The following FGF13 variants were observed in gnomAD, a reference collection of about 807,000 sequenced individuals.
FGF13 encodes the protein fibroblast growth factor homologous factor 2.
In FGF13, 2 loss-of-function variants were observed where a neutral mutation model predicts 19.5. That is an observed-to-expected ratio of 0.10 (90% CI 0.04 to 0.32). The LOEUF (loss-of-function observed/expected upper bound fraction) is 0.32. Among genes scored for constraint, FGF13 ranks in the 10% least tolerant of loss-of-function variants. The pLI is 1.00. For missense variants in FGF13, 113 were observed against 192.7 expected (o/e 0.59, Z 2.45); for synonymous variants, 72 against 76.9 (o/e 0.94, Z 0.33).
downstream of FGF13, among the ~76,000 whole-genome samples, chrX:138,855,962 C>CTGTGTGTGTGTGTGTGTGTGTGTGTGTG (rs35763167): frequency 1.3e-4 from 13 of 101,314 alleles, no homozygotes; most frequent in African/African-American, 3.6e-4. Flanking sequence ...AGTACAAAAA[C>CTGTGTGTGTGTGTGTGTGTGTGTGTGTG]TGTGTGTGTG....
At chrX:139,204,441 G>C (rs1436243264), upstream of FGF13, among the ~76,000 whole-genome samples, 4 of 112,632 alleles carry the variant, frequency 3.6e-5, no homozygotes, top group Non-Finnish European at 7.5e-5. Flanking sequence ...CTCAGCTTCT[G>C]CCCGCCTGCG....
chrX:138,781,784 G>A (rs946288232), intron 3 of FGF13, among the ~76,000 whole-genome samples: 4 of 111,844 alleles, frequency 3.6e-5, no homozygotes, highest in Non-Finnish European at 5.6e-5. Flanking sequence ...TAGAAAAAGA[G>A]GGAATCCTCC....
intron 1 of FGF13, among the ~76,000 whole-genome samples, chrX:138,729,538 C>A (rs1043046380): frequency 9.2e-6 from 1 of 108,816 alleles, no homozygotes; most frequent in Non-Finnish European, 1.9e-5. Context: ...AATAGGAAAC[C>A]ATCTGGCACA....
chrX:138,680,371 C>T (rs1055332440), intron 3 of FGF13, among the ~76,000 whole-genome samples: 12 of 112,036 alleles, frequency 1.1e-4, no homozygotes, highest in African/African-American at 3.9e-4. Context: ...TCAGAAGAAT[C>T]ACTATCTATG....
chrX:139,192,430 T>C (rs908067689), intron 1 of FGF13, among the ~76,000 whole-genome samples: 3 of 112,152 alleles, frequency 2.7e-5, no homozygotes, highest in African/African-American at 9.7e-5. Flanking sequence ...ACAAGTCAGA[T>C]TACCATCTCT....
In FGF13 at chrX:139,126,117, T is replaced by C. The variant is rs893788050; in HGVS notation, c.-113+77299A>G. On this transcript the variant is annotated intron_variant, in intron 1 of 2. Coordinates refer to the FGF13 transcript ENST00000421460. ...ACAGTAAAGGTCATGTATTTATATA[T>C]TGTCTGTTGTGGTTTTTGCACTACA... 2.7e-5 allele frequency among the ~76,000 whole-genome samples: 3 copies of C among 112,138 alleles called. No homozygotes were observed. The Admixed American group carries it at 2.8e-4, about 11-fold the overall frequency.
chrX:138,680,336 T>C (rs1306953830), intron 3 of FGF13, among the ~76,000 whole-genome samples: 1 of 112,187 alleles, frequency 8.9e-6, no homozygotes, highest in Non-Finnish European at 1.9e-5. Context: ...CTTTTCAGGT[T>C]TTCAATTTGC....
chrX:139,183,748 G>A (rs972828391), intron 1 of FGF13, among the ~76,000 whole-genome samples: 1 of 111,827 alleles, frequency 8.9e-6, no homozygotes, highest in African/African-American at 3.3e-5. Flanking sequence ...CCAGTCTCAG[G>A]AATTCCTTTA....
At chrX:139,180,537 GA>G (rs774981945) in intron 1 of FGF13, among the ~76,000 whole-genome samples, 19 of 111,139 alleles carry the variant, frequency 1.7e-4, no homozygotes, top group Middle Eastern at 4.6e-3. Flanking sequence ...CTCTCTGTAT[GA>G]AAAAAAACCC....
intron 1 of FGF13, among the ~76,000 whole-genome samples, chrX:138,921,377 T>C (rs2124242940): frequency 8.9e-6 from 1 of 111,942 alleles, no homozygotes; most frequent in Admixed American, 9.5e-5. Flanking sequence ...TGGTAAATAC[T>C]ACGGATATTT....
At chrX:138,741,525 C>T (rs764102633), upstream of FGF13, among the ~76,000 whole-genome samples, 3 of 111,760 alleles carry the variant, frequency 2.7e-5, no homozygotes, top group Non-Finnish European at 5.7e-5. Context: ...CCTGTAATTC[C>T]ACTGCAAGAG....
At chrX:138,886,371 GT>G (rs2091451790) in intron 1 of FGF13, among the ~76,000 whole-genome samples, 1 of 112,350 alleles carries the variant, frequency 8.9e-6, no homozygotes, top group South Asian at 3.7e-4. Context: ...ATAATACAGT[GT>G]TTTATGAACA....
In FGF13 at chrX:138,618,558, T is replaced by A. The variant is rs1382879791; in HGVS notation, c.*14292A>T. On this transcript the variant is annotated 3_prime_UTR_variant, in exon 5 of 5. Coordinates refer to ENST00000315930, the MANE Select transcript of FGF13 (RefSeq NM_004114.5). ...CTCCATCAGGAGGCCCACCCACTAG[T>A]GGCTTGGGATGCCTGAACTGTAAAC... is the stretch of plus-strand genomic sequence containing the variant. 3.6e-5 allele frequency: 4 copies of A among 111,505 alleles called. No homozygotes were observed. In the Admixed American group the frequency reaches 3.8e-4, roughly 11 times the overall value. 9.2% of individuals were successfully genotyped at this position (111,505 alleles called of 1,213,427 possible).
At chrX:138,942,501 G>A (rs1028291995) in intron 1 of FGF13, among the ~76,000 whole-genome samples, 5 of 111,626 alleles carry the variant, frequency 4.5e-5, no homozygotes, top group African/African-American at 1.6e-4. Context: ...TACAGTTCTG[G>A]GTCCAAGAAA....
At chrX:138,900,330 C>T (rs894689913) in intron 1 of FGF13, among the ~76,000 whole-genome samples, 6 of 110,940 alleles carry the variant, frequency 5.4e-5, no homozygotes, top group Admixed American at 2.9e-4. Flanking sequence ...TCCCTCAAAA[C>T]TGCAACTCTT....
rs570760948 is a variant in FGF13 at position 139,144,448 on chromosome X, T to A, written c.-113+58968A>T. Among the ~76,000 whole-genome samples, 3 of 111,612 alleles carry A rather than the reference T, an allele frequency of 2.7e-5. No homozygotes were observed. The South Asian group carries it at 1.1e-3, about 43-fold the overall frequency. On this transcript the variant is annotated intron_variant, in intron 1 of 2. Transcript: ENST00000421460. The stretch of plus-strand genomic sequence containing the variant: ...GAGATTGTACCTCCTGTCCTGATTA[T>A]TCCTCAAGCCATATCACTTTCTCCA...
At chrX:139,165,274 G>A (rs1341100847) in intron 1 of FGF13, among the ~76,000 whole-genome samples, 1 of 112,252 alleles carries the variant, frequency 8.9e-6, no homozygotes, top group African/African-American at 3.2e-5. Context: ...CATTCAGGAT[G>A]ATGATTGGCT....
At chrX:138,735,766 A>G (rs1211496100) in intron 1 of FGF13, among the ~76,000 whole-genome samples, 1 of 112,021 alleles carries the variant, frequency 8.9e-6, no homozygotes. Flanking sequence ...CTTTGGTCAA[A>G]TAATTTCTTC....
At chrX:139,192,143 G>T (rs1270613943) in intron 1 of FGF13, among the ~76,000 whole-genome samples, 1 of 111,757 alleles carries the variant, frequency 8.9e-6, no homozygotes, top group Admixed American at 9.5e-5. Flanking sequence ...AGATGAATAG[G>T]GCCGAGAAGG....
Sources: gnomAD v4.1 joint callset for allele counts (sites outside exome capture counted in the v4.1 genomes callset) on GRCh38, gnomAD v4.1.1 for gene constraint, MANE v1.5 for transcripts, NCBI Gene and HGNC (gene_info 2026-07-23, HGNC 2026-07-21) for gene names.